Variants in XPA observed in about 807,000 individuals in gnomAD.
The protein encoded by XPA is XPA, DNA damage recognition and repair factor.
A neutral mutation model predicts 35.7 loss-of-function variants in XPA; 27 were observed. That is an observed-to-expected ratio of 0.76 (90% confidence interval 0.56 to 1.04). XPA has a LOEUF of 1.04. Ranked by LOEUF, XPA falls within the 50% of genes least tolerant of loss-of-function variation. XPA has a pLI of 0.00. For missense variants in XPA, 354 were observed against 342.7 expected, an observed-to-expected ratio of 1.03 and a Z score of -0.26; for synonymous variants, 133 against 118.4, an observed-to-expected ratio of 1.12 and a Z score of -0.80.
chr9:97,673,653 C>T (rs1424584213), downstream of XPA: 1 of 152,310 alleles, frequency 6.6e-6, no homozygotes, highest in African/African-American at 2.4e-5. Context: ...GAAGTTCATA[C>T]AGACAAAAGA....
At chr9:97,679,652 TATA>T (rs913276294) in intron 5 of XPA, among the ~76,000 whole-genome samples, 3 of 152,136 alleles carry the variant, frequency 2.0e-5, no homozygotes, top group African/African-American at 4.8e-5. Flanking sequence ...TTATATCCAA[TATA>T]ATAACTAAAG....
chr9:97,693,470 GTTTC>G (rs1828951921), intron 2 of XPA, among the ~76,000 whole-genome samples, 175 bp downstream of exon 2: 1 of 152,010 alleles, frequency 6.6e-6, no homozygotes, highest in African/African-American at 2.4e-5. Flanking sequence ...ATGCATGGCT[GTTTC>G]TTTGATTGTT....
At position 97,697,249 on chromosome 9, in the gene XPA, T is replaced by C; in HGVS notation, c.44A>G (p.Glu15Gly). 6.2e-7 allele frequency: 1 copy of C among 1,600,234 alleles called. No individual in the cohort carries two copies. The highest frequency in any genetic ancestry group is 8.5e-7 in the Non-Finnish European group (1 of 1,179,228). The stretch of plus-strand genomic sequence containing the variant: ...CGAGGCAGGCAGCTCCGCGGGTTGC[T>C]CTAAAGCCGCCGCCTCCGGCAAAGC... Reference protein sequence around the residue: ...DGALPEAAALEQPAELPASVR... With the variant: ...DGALPEAAALGQPAELPASVR... The change falls in exon 1 of 6, where the codon GAG becomes GGG. Residue 15 changes from glutamate to glycine, a missense_variant. Coordinates refer to ENST00000375128, the MANE Select transcript of XPA (RefSeq NM_000380.4).
intron 2 of XPA, among the ~76,000 whole-genome samples, chr9:97,692,165 CCTATAATCCCAG>C (rs1376357054): frequency 4.0e-5 from 6 of 151,538 alleles, no homozygotes; most frequent in Admixed American, 3.9e-4. Flanking sequence ...GTGGTGCATG[CCTATAATCCCAG>C]CTACTCGGGA....
chr9:97,685,365 A>T (rs566640161), intron 4 of XPA, among the ~76,000 whole-genome samples: 1 of 152,202 alleles, frequency 6.6e-6, no homozygotes, highest in Non-Finnish European at 1.5e-5. Context: ...CCAAAGAAAC[A>T]GTTTGTTGAC....
intron 2 of XPA, among the ~76,000 whole-genome samples, chr9:97,691,995 G>C (rs944998934): frequency 6.6e-6 from 1 of 150,602 alleles, no homozygotes; most frequent in African/African-American, 2.4e-5. Flanking sequence ...CCAACAAGAA[G>C]AAAAAAGGAG....
chr9:97,662,924 A>T, the XPA span: 1 of 1,474,468 alleles, frequency 6.8e-7, no homozygotes, highest in Non-Finnish European at 9.4e-7. Context: ...ATAAGTATAT[A>T]TGGTATTTTT....
chr9:97,676,819 A>G lies in XPA; in HGVS notation c.674-1232T>C, dbSNP rs189547129. Among the ~76,000 whole-genome samples, 12 of 152,324 alleles carry G rather than the reference A, an allele frequency of 7.9e-5. No homozygotes were observed. In the East Asian group the frequency reaches 1.9e-3, roughly 24 times the overall value. Reference sequence around the variant, plus strand: ...GTACTTTGACATTATTTTAGTGCATATACCTCTAGATAGTTTTTGGTCTGG... The same window carrying G: ...GTACTTTGACATTATTTTAGTGCATGTACCTCTAGATAGTTTTTGGTCTGG... On this transcript the variant is annotated intron_variant, in intron 5 of 5. Transcript: ENST00000375128.
chr9:97,684,840 C>T (rs1360528926), intron 5 of XPA, 83 bp downstream of exon 5: 1 of 1,163,360 alleles, frequency 8.6e-7, no homozygotes, highest in Non-Finnish European at 1.3e-6. Flanking sequence ...CTATTGGTGA[C>T]ATTAAACAGG....
chr9:97,696,646 T>G (rs979782554), intron 1 of XPA, among the ~76,000 whole-genome samples: 1 of 152,136 alleles, frequency 6.6e-6, no homozygotes, highest in Non-Finnish European at 1.5e-5. Flanking sequence ...TGAGAAGCAA[T>G]CCATTGCACT....
chr9:97,674,135 T>TCCC (rs11397653), downstream of XPA, among the ~76,000 whole-genome samples: 19 of 150,362 alleles, frequency 1.3e-4, 1 homozygote, highest in African/African-American at 3.9e-4. Context: ...AAGAGCTCCT[T>TCCC]CCCCGCCCCC....
Position 97,689,635 on chromosome 9 carries a change from A to G in XPA, c.288T>C (p.Pro96=), listed in dbSNP as rs1310920247. The G allele has an allele frequency of 2.5e-6, 4 of 1,592,588 alleles. No individual in the cohort carries two copies. The Admixed American group carries it at 5.0e-5, about 20-fold the overall frequency. Residue 96 remains proline (P), a synonymous_variant, in exon 3 of 6, where the codon CCT becomes CCC. Coordinates refer to ENST00000375128, the MANE Select transcript of XPA (RefSeq NM_000380.4). Reference sequence around the variant, plus strand: ...ATATTACATAATCAAATTCCATAACAGGTCCTAAGAAAAGGAAAATGAACT... The same window carrying G: ...ATATTACATAATCAAATTCCATAACGGGTCCTAAGAAAAGGAAAATGAACT... The part of the protein sequence containing the change: ...KIGKVVHQPG[P]VMEFDYVICE...
At chr9:97,658,512 TCC>T in the XPA span, 1 of 692,810 alleles carries the variant, frequency 1.4e-6, no homozygotes, top group Non-Finnish European at 2.5e-6. Context: ...GATTTTTTTT[TCC>T]CTTTCACTTC....
intron 5 of XPA, among the ~76,000 whole-genome samples, chr9:97,678,400 C>T (rs1828433323): frequency 6.6e-6 from 1 of 151,616 alleles, no homozygotes; most frequent in African/African-American, 2.4e-5. Flanking sequence ...TACTAGGTCT[C>T]AAAAGTAAAT....
Position 97,674,947 on chromosome 9 carries a change from G to A in XPA, c.*492C>T, listed in dbSNP as rs1828303160. Reference sequence around the variant, plus strand: ...ACTCAATGTTTATTTCTGCTATTAGGGCTTTTTCCAGCAGTAGTTCCCCAC... The same window carrying A: ...ACTCAATGTTTATTTCTGCTATTAGAGCTTTTTCCAGCAGTAGTTCCCCAC... On this transcript the variant is annotated 3_prime_UTR_variant, in exon 6 of 6. Coordinates refer to ENST00000375128, the MANE Select transcript of XPA (RefSeq NM_000380.4). The A allele has an allele frequency of 1.9e-6, 1 of 517,936 alleles. No homozygotes were observed. The highest frequency in any genetic ancestry group is 3.8e-6 in the Non-Finnish European group (1 of 266,024). 32.1% of individuals were successfully genotyped at this position (517,936 alleles called of 1,614,324 possible).
chr9:97,685,058 T>C lies in XPA; in HGVS notation c.556-18A>G, dbSNP rs776670854. 1.2e-6 allele frequency: 2 copies of C among 1,603,586 alleles called. No individual in the cohort carries two copies. Among genetic ancestry groups the C allele is most frequent in the East Asian group, 4.5e-5 (2 of 44,738 alleles). ...TTCACAATCTACAACACAAAATCCA[T>C]ATTTAAATAAGTTGTGATTCAGACT... is the stretch of plus-strand genomic sequence containing the variant. On this transcript the variant is annotated intron_variant, in intron 4 of 5. Coordinates refer to ENST00000375128, the MANE Select transcript of XPA (RefSeq NM_000380.4).
intron 2 of XPA, among the ~76,000 whole-genome samples, chr9:97,691,137 G>A (rs1277312922): frequency 6.6e-6 from 1 of 152,164 alleles, no homozygotes; most frequent in Non-Finnish European, 1.5e-5. Flanking sequence ...GGTAATAGAA[G>A]AGAGACAACA....
At chr9:97,668,624 C>A in the XPA span, among the ~76,000 whole-genome samples, 2 of 152,152 alleles carry the variant, frequency 1.3e-5, no homozygotes, top group East Asian at 3.9e-4. Flanking sequence ...ATTTCCCTGG[C>A]CTAGATAAGA....
chr9:97,655,603 AAAG>A, the XPA span: 5 of 889,042 alleles, frequency 5.6e-6, no homozygotes, highest in Non-Finnish European at 8.7e-6. Flanking sequence ...TTAACTCTGT[AAAG>A]TCGGGTTTTA....
Sources: allele counts gnomAD v4.1 joint callset (sites outside exome capture counted in the v4.1 genomes callset), GRCh38; gene constraint gnomAD v4.1.1; transcripts MANE v1.5; gene names NCBI Gene and HGNC (gene_info 2026-07-23, HGNC 2026-07-21).